The following HOMER1 variants were observed in gnomAD, a reference collection of about 807,000 sequenced individuals.
The protein encoded by HOMER1 is homer scaffold protein 1.
HOMER1 carries 3 observed loss-of-function variants against 48.9 expected under a neutral mutation model. The observed-to-expected ratio is 0.06, with a 90% CI of 0.03 to 0.16. HOMER1 has a LOEUF of 0.16. Among genes scored for constraint, HOMER1 ranks in the 10% least tolerant of loss-of-function variants. The pLI, the probability that HOMER1 is intolerant of heterozygous loss-of-function variation, is 1.00. For missense variants in HOMER1, 247 were observed against 411.4 expected (o/e 0.60, Z 3.46); for synonymous variants, 134 against 146.4 (o/e 0.92, Z 0.61).
In HOMER1 at chr5:79,510,521, G is replaced by A. The variant is rs1752911606; in HGVS notation, c.5+2249C>T. On this transcript the variant is annotated intron_variant, in intron 1 of 8. Coordinates refer to ENST00000334082, the MANE Select transcript of HOMER1 (RefSeq NM_004272.5). Reference sequence around the variant, plus strand: ...CAAGAAACCCGAAGCACAAAGATACGAATCTCTTAAGGGGGTGGACCCCAA... The same window carrying A: ...CAAGAAACCCGAAGCACAAAGATACAAATCTCTTAAGGGGGTGGACCCCAA... 10 of 731,032 alleles carry A rather than the reference G, an allele frequency of 1.4e-5. No individual in the cohort carries two copies. In the East Asian group the frequency reaches 2.1e-4, roughly 15 times the overall value. The allele number at this position is 731,032 out of a possible 1,614,324, so 45.3% of individuals were successfully genotyped here. A position where few individuals can be genotyped will look rare whatever the true frequency, so the allele number is the denominator to read the frequency against.
chr5:79,396,295 AAAT>A (rs773249913), intron 8 of HOMER1, among the ~76,000 whole-genome samples: 23 of 147,498 alleles, frequency 1.6e-4, no homozygotes, highest in African/African-American at 5.0e-4. Flanking sequence ...GTACATTGTA[AAAT>A]AATAATAATA....
intron 5 of HOMER1, among the ~76,000 whole-genome samples, chr5:79,418,721 C>T (rs1750012310): frequency 6.6e-6 from 1 of 152,182 alleles, no homozygotes; most frequent in Non-Finnish European, 1.5e-5. Flanking sequence ...TGGATGGGTA[C>T]TTTGTCTTCC....
chr5:79,507,189 G>GGTGACAGA (rs1372887902), intron 1 of HOMER1, among the ~76,000 whole-genome samples: 1 of 143,736 alleles, frequency 7.0e-6, no homozygotes, highest in Non-Finnish European at 1.5e-5. Flanking sequence ...CTCCAGCCTG[G>GGTGACAGA]GTGACAGAGT....
chr5:79,502,112 T>C (rs2112374948), intron 1 of HOMER1, among the ~76,000 whole-genome samples: 1 of 149,018 alleles, frequency 6.7e-6, no homozygotes, highest in Non-Finnish European at 1.5e-5. Flanking sequence ...CTCCACCTCC[T>C]GGGTTCAAGC....
At chr5:79,391,733 ACT>A (rs1333706600) in intron 8 of HOMER1, among the ~76,000 whole-genome samples, 2 of 150,886 alleles carry the variant, frequency 1.3e-5, no homozygotes, top group African/African-American at 2.4e-5. Context: ...ACAGAGTGAG[ACT>A]CTGTCTCAAA....
intron 5 of HOMER1, among the ~76,000 whole-genome samples, chr5:79,428,650 T>C (rs1389574623): frequency 6.6e-6 from 1 of 152,030 alleles, no homozygotes; most frequent in Non-Finnish European, 1.5e-5. Context: ...CAATGAACAA[T>C]TCAAAAGTGA....
At chr5:79,395,528 C>T (rs923034658) in intron 8 of HOMER1, among the ~76,000 whole-genome samples, 5 of 152,156 alleles carry the variant, frequency 3.3e-5, no homozygotes, top group Non-Finnish European at 7.4e-5. Flanking sequence ...AATATACAAA[C>T]GGCATTTAAT....
At chr5:79,495,564 T>C (rs1435747022) in intron 1 of HOMER1, among the ~76,000 whole-genome samples, 1 of 152,246 alleles carries the variant, frequency 6.6e-6, no homozygotes, top group Non-Finnish European at 1.5e-5. Flanking sequence ...GTGCCTGGCA[T>C]GACTCACGAC....
intron 2 of HOMER1, among the ~76,000 whole-genome samples, chr5:79,456,571 C>T (rs1751183525): frequency 1.3e-5 from 2 of 152,154 alleles, no homozygotes; most frequent in African/African-American, 2.4e-5. Context: ...CACTATATTC[C>T]TAGTACCTGG....
intron 5 of HOMER1, among the ~76,000 whole-genome samples, chr5:79,437,669 T>C (rs933596556): frequency 2.0e-5 from 3 of 152,204 alleles, no homozygotes; most frequent in Non-Finnish European, 4.4e-5. Flanking sequence ...TTTTGTTTTT[T>C]ATAGACAAGG....
chr5:79,484,416 A>C (rs1580016609), intron 1 of HOMER1, among the ~76,000 whole-genome samples: 1 of 152,116 alleles, frequency 6.6e-6, no homozygotes, highest in Admixed American at 6.5e-5. Context: ...TACATGATCT[A>C]AACACCCACA....
At chr5:79,421,755 C>T (rs980623036) in intron 5 of HOMER1, among the ~76,000 whole-genome samples, 7 of 151,964 alleles carry the variant, frequency 4.6e-5, no homozygotes, top group Non-Finnish European at 1.0e-4. Context: ...CAGGCACCCG[C>T]CACCATGCCC....
rs550057131 is a variant in HOMER1, at chr5:79,447,225, T to C, written c.295-80A>G. 8.7e-5 allele frequency: 71 copies of C among 820,562 alleles called. No individual in the cohort carries two copies. The African/African-American group carries it at 1.1e-3, about 12-fold the overall frequency. 50.8% of individuals were successfully genotyped at this position (820,562 alleles called of 1,614,324 possible). On this transcript the variant is annotated intron_variant, in intron 3 of 8. Transcript: ENST00000334082. Reference sequence around the variant, plus strand: ...ACTTTTACCTTAGTAAAGTTATTCATTTTCTGAATAACTGACTCTACACAA... The same window carrying C: ...ACTTTTACCTTAGTAAAGTTATTCACTTTCTGAATAACTGACTCTACACAA...
At chr5:79,419,920 T>C (rs1420117535) in intron 5 of HOMER1, among the ~76,000 whole-genome samples, 1 of 152,244 alleles carries the variant, frequency 6.6e-6, no homozygotes, top group Non-Finnish European at 1.5e-5. Context: ...CAAATTTCTA[T>C]ACAATTTGGG....
chr5:79,405,563 T>C (rs558906044), intron 5 of HOMER1, among the ~76,000 whole-genome samples: 16 of 152,316 alleles, frequency 1.1e-4, no homozygotes, highest in African/African-American at 3.6e-4. Flanking sequence ...TGTCCAATTT[T>C]TTCTATATTC....
At chr5:79,426,642 A>G (rs1750264534) in intron 5 of HOMER1, among the ~76,000 whole-genome samples, 2 of 152,142 alleles carry the variant, frequency 1.3e-5, no homozygotes, top group Non-Finnish European at 2.9e-5. Context: ...GAAGTTGGGA[A>G]GGGTAGTGGG....
chr5:79,499,430 A>G (rs1752513430), intron 1 of HOMER1, among the ~76,000 whole-genome samples: 1 of 152,216 alleles, frequency 6.6e-6, no homozygotes, highest in African/African-American at 2.4e-5. Context: ...ATGGGTTTGG[A>G]CTGCACCAGT....
chr5:79,498,535 AAG>A (rs1001529307), intron 1 of HOMER1, among the ~76,000 whole-genome samples: 1 of 152,190 alleles, frequency 6.6e-6, no homozygotes, highest in African/African-American at 2.4e-5. Context: ...AGAGGGTTTT[AAG>A]AATACACTGG....
chr5:79,406,698 G>A (rs1201565333), intron 5 of HOMER1, among the ~76,000 whole-genome samples: 3 of 152,230 alleles, frequency 2.0e-5, no homozygotes, highest in Non-Finnish European at 2.9e-5. Context: ...GTGAAGACCT[G>A]TTATGGCTGG....
Sources: allele counts gnomAD v4.1 joint callset (sites outside exome capture counted in the v4.1 genomes callset), GRCh38; gene constraint gnomAD v4.1.1; transcripts MANE v1.5; gene names NCBI Gene and HGNC (gene_info 2026-07-23, HGNC 2026-07-21).